Variants in KCTD1 observed in about 807,000 individuals in gnomAD.
KCTD1 encodes potassium channel tetramerization domain containing 1.
A neutral mutation model predicts 66.0 loss-of-function variants in KCTD1; 24 were observed. That is an observed-to-expected ratio of 0.36 (90% confidence interval 0.26 to 0.51). KCTD1 has a LOEUF of 0.51. KCTD1 is among the 20% of genes least tolerant of loss of function. The pLI, the probability that KCTD1 is intolerant of heterozygous loss-of-function variation, is 0.95. For missense variants in KCTD1, 943 were observed against 1,205.2 expected, an observed-to-expected ratio of 0.78 and a Z score of 3.22; for synonymous variants, 511 against 517.2, an observed-to-expected ratio of 0.99 and a Z score of 0.16.
chr18:26,619,800 G>A (rs1312088968), intron 1 of KCTD1, among the ~76,000 whole-genome samples: 3 of 152,180 alleles, frequency 2.0e-5, no homozygotes. Context: ...GAGAGATGAA[G>A]AGCTCACTTA....
At chr18:26,626,783 T>C (rs1000727978) in intron 1 of KCTD1, among the ~76,000 whole-genome samples, 13 of 152,148 alleles carry the variant, frequency 8.5e-5, no homozygotes, top group Non-Finnish European at 1.8e-4. Context: ...CAGGAAGTAA[T>C]ATTTAATAAG....
At position 26,547,742 on chromosome 18, in the gene KCTD1, C is replaced by A; in HGVS notation, c.795G>T (p.Ala265=). 1 of 1,545,440 alleles carries A rather than the reference C, an allele frequency of 6.5e-7. No homozygotes were observed. The highest frequency in any genetic ancestry group is 8.7e-7 in the Non-Finnish European group (1 of 1,146,672). The stretch of plus-strand genomic sequence containing the variant: ...CCTGCTCCTCGAGCTTGCGGATGAC[C>A]GCGGCCAGCGTCAGGTTGGCGCTGC... ...ELRSANLTLA[A]VIRKLEEQGA... The change falls in exon 1 of 5, where the codon GCG becomes GCT. Residue 265 remains alanine, a synonymous_variant. Coordinates refer to ENST00000580059, the MANE Select transcript of KCTD1 (RefSeq NM_001142730.3).
chr18:26,500,624 A>G (rs1394193083), intron 2 of KCTD1, among the ~76,000 whole-genome samples: 3 of 152,124 alleles, frequency 2.0e-5, no homozygotes, highest in South Asian at 4.1e-4. Flanking sequence ...ACTTTTGCAT[A>G]CAGATCTAAA....
upstream of KCTD1, among the ~76,000 whole-genome samples, chr18:26,550,565 G>GACACACACACAC (rs60922405): frequency 0.015 from 2,133 of 140,546 alleles, 30 homozygotes; most frequent in African/African-American, 0.025. This position sits in a 1 kb window ranked among gnomAD's most constrained non-coding sequence, Gnocchi z 5.4. Context: ...AAGACACACA[G>GACACACACACAC]ACACACACAC....
At chr18:26,512,343 T>C (rs2144717705) in intron 1 of KCTD1, among the ~76,000 whole-genome samples, 1 of 152,060 alleles carries the variant, frequency 6.6e-6, no homozygotes, top group Middle Eastern at 3.4e-3. Context: ...GCTCAGGCAA[T>C]CCGCCTGCCT....
chr18:26,523,606 C>T (rs537165090), intron 1 of KCTD1, among the ~76,000 whole-genome samples: 4 of 140,008 alleles, frequency 2.9e-5, no homozygotes, highest in South Asian at 2.5e-4. Flanking sequence ...GACAACACAG[C>T]GAGATCCTCT....
upstream of KCTD1, among the ~76,000 whole-genome samples, chr18:26,550,565 GACACAC>G (rs60922405): frequency 4.8e-3 from 680 of 140,580 alleles, 8 homozygotes; most frequent in African/African-American, 0.012. This position sits in a 1 kb window ranked among gnomAD's most constrained non-coding sequence, Gnocchi z 5.4. Flanking sequence ...AAGACACACA[GACACAC>G]ACACACACAC....
chr18:26,560,626 G>A (rs987703361), intron 1 of KCTD1, among the ~76,000 whole-genome samples: 3 of 152,172 alleles, frequency 2.0e-5, no homozygotes, highest in Admixed American at 2.0e-4. Flanking sequence ...ATTCAGGTCT[G>A]GCAGGGGGTG....
intron 2 of KCTD1, among the ~76,000 whole-genome samples, chr18:26,500,400 A>G (rs1406222476): frequency 1.3e-5 from 2 of 152,172 alleles, no homozygotes; most frequent in African/African-American, 2.4e-5. Context: ...AGCCTGGGCG[A>G]CAGAACAAGA....
At chr18:26,578,324 T>G (rs556601803) in intron 1 of KCTD1, among the ~76,000 whole-genome samples, 24 of 152,296 alleles carry the variant, frequency 1.6e-4, no homozygotes, top group African/African-American at 5.5e-4. Context: ...ATATTGCTGT[T>G]TATAAAAGAA....
In KCTD1 at chr18:26,548,338, G is replaced by A; in HGVS notation, c.199C>T (p.Gln67Ter). 1 of 1,488,718 alleles carries A rather than the reference G, an allele frequency of 6.7e-7. No individual in the cohort carries two copies. The highest frequency in any genetic ancestry group is 8.9e-7 in the Non-Finnish European group (1 of 1,120,960). The allele number at this position is 1,488,718 out of a possible 1,614,324, so 92.2% of individuals were successfully genotyped here. A position where few individuals can be genotyped will look rare whatever the true frequency, so the allele number is the denominator to read the frequency against. ...EEEEEEEDEI[Q>*]EVQITGDEEE... Reference sequence around the variant, plus strand: ...TCGTCCCCCGTTATCTGCACCTCCTGGATCTCGTCCTCCTCCTCCTCTTCC... The same window carrying A: ...TCGTCCCCCGTTATCTGCACCTCCTAGATCTCGTCCTCCTCCTCCTCTTCC... Residue 67 changes from glutamine to a stop codon, truncating the protein, a stop_gained, in exon 1 of 5, where the codon CAG becomes TAG. Transcript: ENST00000580059. LOFTEE classifies it high-confidence loss of function.
chr18:26,535,172 G>A (rs1984639835), intron 1 of KCTD1, among the ~76,000 whole-genome samples: 3 of 151,850 alleles, frequency 2.0e-5, no homozygotes, highest in African/African-American at 7.3e-5. Context: ...AAAGTACCTT[G>A]GTATTACTAA....
intron 3 of KCTD1, among the ~76,000 whole-genome samples, chr18:26,465,304 G>C (rs554346602): frequency 2.6e-5 from 4 of 152,180 alleles, no homozygotes; most frequent in African/African-American, 9.6e-5. Context: ...GGCTGGTCTT[G>C]AACTCCCGAC....
Position 26,546,728 on chromosome 18 carries a change from C to G in KCTD1, c.1809G>C (p.Gln603His). ...CATGCATAGAGTTTGGTTTGGTTAC[C>G]TGGGTGGGGGAAACAATAGCAGGTG... ...IVSPAIVSPT[Q>H]DSRPNMSRPL... Residue 603 changes from glutamine (Q) to histidine (H), a missense_variant and splice_region_variant, in exon 1 of 5, where the codon CAG becomes CAC. Transcript: ENST00000580059. 6.5e-7 allele frequency: 1 copy of G among 1,545,254 alleles called. No individual in the cohort carries two copies. Among genetic ancestry groups the G allele is most frequent in the Non-Finnish European group, 8.7e-7 (1 of 1,144,590 alleles).
intron 1 of KCTD1, among the ~76,000 whole-genome samples, chr18:26,639,984 G>C (rs576968298): frequency 6.6e-6 from 1 of 152,316 alleles, no homozygotes; most frequent in East Asian, 1.9e-4. Context: ...TGTCAAAAGA[G>C]AATTTTGGTA....
upstream of KCTD1, among the ~76,000 whole-genome samples, chr18:26,644,821 T>G (rs541651979): frequency 2.7e-5 from 4 of 150,510 alleles, no homozygotes; most frequent in East Asian, 5.8e-4. Flanking sequence ...CAGACTGCAC[T>G]GAGGTTGAAA....
chr18:26,536,565 A>C (rs1038208305), intron 1 of KCTD1, among the ~76,000 whole-genome samples: 9 of 152,116 alleles, frequency 5.9e-5, no homozygotes, highest in Non-Finnish European at 2.9e-5. Flanking sequence ...TGAGATACTA[A>C]TACACACCCC....
At chr18:26,461,101 G>A (rs1980397071) in intron 3 of KCTD1, among the ~76,000 whole-genome samples, 1 of 152,238 alleles carries the variant, frequency 6.6e-6, no homozygotes, top group African/African-American at 2.4e-5. Flanking sequence ...CTGATGTCCA[G>A]ATGGGCTAGA....
chr18:26,633,462 T>A (rs1170595196), upstream of KCTD1, among the ~76,000 whole-genome samples: 1 of 152,134 alleles, frequency 6.6e-6, no homozygotes, highest in East Asian at 1.9e-4. Context: ...TAGTTGACCA[T>A]ATCGTAAATG....
Sources: allele counts gnomAD v4.1 joint callset (sites outside exome capture counted in the v4.1 genomes callset), GRCh38; gene constraint gnomAD v4.1.1; non-coding constraint Gnocchi (gnomAD v3.1); transcripts MANE v1.5; gene names NCBI Gene and HGNC (gene_info 2026-07-23, HGNC 2026-07-21).